Variants in ATG10 observed in about 807,000 individuals in gnomAD.
ATG10 encodes ubiquitin-like-conjugating enzyme ATG10.
A neutral mutation model predicts 32.1 loss-of-function variants in ATG10; 30 were observed. The observed-to-expected ratio is 0.94, with a 90% confidence interval of 0.70 to 1.27. The LOEUF is 1.27. Among genes scored for constraint, ATG10 ranks in the 50% most tolerant of loss-of-function variants. The pLI is 0.00. For synonymous variants in ATG10, 87 were observed against 91.5 expected (o/e 0.95, Z 0.28); for missense variants, 233 against 262.3 (o/e 0.89, Z 0.77).
At chr5:82,148,856 C>T (rs762763447) in intron 3 of ATG10, among the ~76,000 whole-genome samples, 2 of 152,060 alleles carry the variant, frequency 1.3e-5, no homozygotes, top group African/African-American at 2.4e-5. Flanking sequence ...TCATTTTTAT[C>T]TTTTTATATT....
At chr5:82,062,417 T>C (rs995892908) in intron 3 of ATG10, among the ~76,000 whole-genome samples, 5 of 152,080 alleles carry the variant, frequency 3.3e-5, no homozygotes, top group Non-Finnish European at 5.9e-5. Context: ...GACTTGGAGA[T>C]AGAAATTGTT....
chr5:81,987,555 G>T lies in ATG10; in HGVS notation c.-12-4G>T. ...GATGCTAATACTTAGTTTTTGTATT[G>T]CAGTTATCATTTAACATGGAAGAAG... On this transcript the variant is annotated splice_region_variant and splice_polypyrimidine_tract_variant and intron_variant, in intron 1 of 7. Transcript: ENST00000282185. 1 of 1,524,412 alleles carries T rather than the reference G, an allele frequency of 6.6e-7. No individual in the cohort carries two copies. Among genetic ancestry groups the T allele is most frequent in the Non-Finnish European group, 9.0e-7 (1 of 1,108,778 alleles). 94.4% of individuals were successfully genotyped at this position (1,524,412 alleles called of 1,614,324 possible). A position where few individuals can be genotyped will look rare whatever the true frequency, so the allele number is the denominator to read the frequency against.
chr5:82,000,735 C>T (rs1761824253), intron 2 of ATG10, among the ~76,000 whole-genome samples: 1 of 152,184 alleles, frequency 6.6e-6, no homozygotes, highest in Non-Finnish European at 1.5e-5. Context: ...CGGCTCACTG[C>T]AACCCCGTCC....
chr5:82,178,436 G>C lies in ATG10; in HGVS notation c.356-54G>C. On this transcript the variant is annotated intron_variant, in intron 4 of 7. Transcript: ENST00000282185. ...TCCAGGAGTTTTAGATTGACACCAA[G>C]CACCATTGTGTCACATGAATTACTA... 9 of 1,064,394 alleles carry C rather than the reference G, an allele frequency of 8.5e-6. No homozygotes were observed. The South Asian group carries it at 1.2e-4, about 14-fold the overall frequency. 65.9% of individuals were successfully genotyped at this position (1,064,394 alleles called of 1,614,324 possible).
intron 5 of ATG10, among the ~76,000 whole-genome samples, chr5:82,195,253 A>C (rs1381219803): frequency 6.6e-6 from 1 of 152,178 alleles, no homozygotes; most frequent in Non-Finnish European, 1.5e-5. Context: ...GCTTGCAAAC[A>C]ATACTCTATC....
intron 3 of ATG10, among the ~76,000 whole-genome samples, chr5:82,093,927 G>A (rs1316553775): frequency 1.3e-5 from 2 of 152,120 alleles, no homozygotes; most frequent in Non-Finnish European, 2.9e-5. Context: ...CTTACGACTG[G>A]TGAGAACCCA....
rs562648896 is a variant in ATG10, at chr5:82,137,399, A to G, written c.217-27000A>G. 2.0e-5 allele frequency among the ~76,000 whole-genome samples: 3 copies of G among 151,996 alleles called. No homozygotes were observed. The South Asian group carries it at 6.2e-4, about 32-fold the overall frequency. ...GGTGACCTTCAAATGTCGTTTTTGC[A>G]TGGTCATCCTTTTTGTTGATATTGA... On this transcript the variant is annotated intron_variant, in intron 3 of 7. Coordinates refer to ENST00000282185, the MANE Select transcript of ATG10 (RefSeq NM_031482.5).
In ATG10 at chr5:82,254,725, G is replaced by GT. The variant is rs1173436115; in HGVS notation, c.*663dup. On this transcript the variant is annotated 3_prime_UTR_variant, in exon 8 of 8. Transcript: ENST00000282185. ...CTGACATGGAGATTGAGGGAGAAAT[G>GT]TATTTGTGTGTTCATTTTAATGTAA... 1 of 152,100 alleles carries GT rather than the reference G, an allele frequency of 6.6e-6. No homozygotes were observed. The highest frequency in any genetic ancestry group is 1.5e-5 in the Non-Finnish European group (1 of 68,010). The allele number at this position is 152,100 out of a possible 1,614,324, so 9.4% of individuals were successfully genotyped here. A position where few individuals can be genotyped will look rare whatever the true frequency, so the allele number is the denominator to read the frequency against.
intron 3 of ATG10, among the ~76,000 whole-genome samples, chr5:82,069,443 A>T (rs1174859035): frequency 6.6e-6 from 1 of 152,202 alleles, no homozygotes; most frequent in Non-Finnish European, 1.5e-5. Flanking sequence ...AAGAGACTTT[A>T]TTAAAAATGC....
At chr5:81,983,451 G>C (rs1184384373) in intron 1 of ATG10, among the ~76,000 whole-genome samples, 1 of 144,918 alleles carries the variant, frequency 6.9e-6, no homozygotes, top group African/African-American at 2.6e-5. Context: ...GTGGCTGGCC[G>C]GGCGGGGGTC....
intron 2 of ATG10, among the ~76,000 whole-genome samples, chr5:82,013,128 A>G (rs1011403441): frequency 3.3e-5 from 5 of 151,704 alleles, no homozygotes; most frequent in Admixed American, 6.6e-5. Flanking sequence ...CGCCCGGCCA[A>G]TTTTTGTGTT....
intron 1 of ATG10, chr5:81,972,693 TA>T (rs1269147476): frequency 6.6e-6 from 1 of 152,232 alleles, no homozygotes; most frequent in Non-Finnish European, 1.5e-5. Flanking sequence ...GAGTCCAACT[TA>T]ATTTGAAGTT....
At chr5:82,145,768 C>T (rs1279805919) in intron 3 of ATG10, among the ~76,000 whole-genome samples, 1 of 151,338 alleles carries the variant, frequency 6.6e-6, no homozygotes, top group Non-Finnish European at 1.5e-5. Context: ...GTGCAGTGGC[C>T]TGATCTCGGC....
intron 2 of ATG10, among the ~76,000 whole-genome samples, chr5:81,999,564 A>G (rs989815083): frequency 1.3e-5 from 2 of 152,212 alleles, no homozygotes; most frequent in Non-Finnish European, 2.9e-5. Context: ...AGATGCAAAA[A>G]AAGCCATACA....
At chr5:82,138,015 G>C (rs1313388134) in intron 3 of ATG10, among the ~76,000 whole-genome samples, 3 of 152,208 alleles carry the variant, frequency 2.0e-5, no homozygotes, top group African/African-American at 7.2e-5. Context: ...CAGAGGCTTT[G>C]TTTATACTGT....
In ATG10 at chr5:82,132,716, C is replaced by CGT. The variant is rs911720689; in HGVS notation, c.217-31672_217-31671dup. Among the ~76,000 whole-genome samples the CGT allele has an allele frequency of 4.6e-5, 7 of 151,990 alleles. No homozygotes were observed. In the South Asian group the frequency reaches 6.2e-4, roughly 14 times the overall value. On this transcript the variant is annotated intron_variant, in intron 3 of 7. Transcript: ENST00000282185. ...TGTGAAAAGTGCTGCAATAAACATA[C>CGT]GTGTGTGTGTGTCTTTATAGCAGCA... is the stretch of plus-strand genomic sequence containing the variant.
intron 3 of ATG10, among the ~76,000 whole-genome samples, chr5:82,090,520 GA>G (rs1189183195): frequency 1.3e-5 from 2 of 152,166 alleles, no homozygotes; most frequent in Admixed American, 1.3e-4. Context: ...GTCATGTAGT[GA>G]ATGATTCCAT....
At chr5:82,135,480 A>G (rs1581725273) in intron 3 of ATG10, among the ~76,000 whole-genome samples, 1 of 152,040 alleles carries the variant, frequency 6.6e-6, no homozygotes, top group East Asian at 1.9e-4. Context: ...AATTTTCGTT[A>G]TTTACCCAGT....
intron 5 of ATG10, among the ~76,000 whole-genome samples, chr5:82,219,364 A>G (rs1745828016): frequency 1.3e-5 from 2 of 152,234 alleles, no homozygotes; most frequent in Non-Finnish European, 1.5e-5. Context: ...TTAGCATGCT[A>G]GGATGGCGGT....
Sources: gnomAD v4.1 joint callset for allele counts (sites outside exome capture counted in the v4.1 genomes callset) on GRCh38, gnomAD v4.1.1 for gene constraint, MANE v1.5 for transcripts, NCBI Gene and HGNC (gene_info 2026-07-23, HGNC 2026-07-21) for gene names.